The following PRKCB variants were observed in gnomAD, a reference collection of about 807,000 sequenced individuals.
PRKCB encodes the protein protein kinase C beta, also known as protein kinase C beta type.
PRKCB carries 13 observed loss-of-function variants against 81.5 expected under a neutral mutation model. The ratio of observed to expected loss-of-function variants is 0.16; its 90% CI spans 0.10 to 0.25. The LOEUF (loss-of-function observed/expected upper bound fraction) is 0.25, where lower values mean the gene tolerates loss of function less well. PRKCB is among the 10% of genes least tolerant of loss of function. The probability of loss-of-function intolerance (pLI) is 1.00; values close to 1 mark genes in which losing one functional copy is unlikely to be tolerated. For missense variants in PRKCB, 509 were observed against 875.7 expected (o/e 0.58, Z 5.29); for synonymous variants, 335 against 321.4 (o/e 1.04, Z -0.45).
intron 2 of PRKCB, among the ~76,000 whole-genome samples, chr16:23,935,424 CAG>C (rs1964045046): frequency 6.6e-6 from 1 of 152,166 alleles, no homozygotes; most frequent in African/African-American, 2.4e-5. Context: ...TGCCATCCCC[CAG>C]CTGCAGCAAA....
At chr16:24,080,636 G>A (rs1429314004) in intron 5 of PRKCB, among the ~76,000 whole-genome samples, 1 of 152,182 alleles carries the variant, frequency 6.6e-6, no homozygotes, top group African/African-American at 2.4e-5. Flanking sequence ...CAGTAAAGAG[G>A]TGTGGGTGGG....
intron 9 of PRKCB, among the ~76,000 whole-genome samples, chr16:24,148,405 C>T (rs1225766501): frequency 1.3e-5 from 2 of 152,118 alleles, no homozygotes; most frequent in African/African-American, 4.8e-5. Context: ...GGGCAGGAAC[C>T]TTGTCGTTCT....
At chr16:23,851,955 T>C (rs896914965) in intron 2 of PRKCB, among the ~76,000 whole-genome samples, 2 of 152,202 alleles carry the variant, frequency 1.3e-5, no homozygotes, top group African/African-American at 4.8e-5. Context: ...CTACTGATTG[T>C]ATGTTGGTTT....
At chr16:23,974,835 A>G (rs992540019) in intron 2 of PRKCB, among the ~76,000 whole-genome samples, 4 of 152,226 alleles carry the variant, frequency 2.6e-5, no homozygotes, top group South Asian at 2.1e-4. Flanking sequence ...TCTGGGTGGC[A>G]GGAGCGAATG....
At chr16:24,145,443 G>A (rs1966975273) in intron 9 of PRKCB, among the ~76,000 whole-genome samples, 2 of 152,136 alleles carry the variant, frequency 1.3e-5, no homozygotes, top group African/African-American at 4.8e-5. Context: ...AGAATAGAAT[G>A]TTTATGAGAG....
intron 2 of PRKCB, among the ~76,000 whole-genome samples, chr16:23,981,260 C>T (rs1366489990): frequency 1.3e-5 from 2 of 152,056 alleles, no homozygotes; most frequent in Non-Finnish European, 2.9e-5. Flanking sequence ...CTTGCGTTCC[C>T]TTCCAGAAAT....
chr16:24,145,891 G>A (rs1054874277), intron 9 of PRKCB, among the ~76,000 whole-genome samples: 2 of 152,352 alleles, frequency 1.3e-5, no homozygotes, highest in Admixed American at 6.5e-5. Flanking sequence ...CGTAAACAAT[G>A]TATGTTCAAT....
chr16:23,924,652 C>G (rs1434563281), intron 2 of PRKCB, among the ~76,000 whole-genome samples: 1 of 151,982 alleles, frequency 6.6e-6, no homozygotes, highest in Non-Finnish European at 1.5e-5. Flanking sequence ...TCTCTACATC[C>G]TGATCCTAAA....
intron 9 of PRKCB, among the ~76,000 whole-genome samples, chr16:24,131,101 C>T (rs575326387): frequency 3.9e-5 from 6 of 152,090 alleles, no homozygotes; most frequent in South Asian, 2.1e-4. Flanking sequence ...GAAGCTAGCA[C>T]GAGCCAGGAA....
chr16:23,836,346 C>T lies in PRKCB; in HGVS notation c.171C>T (p.Ile57=). ...TCTGCAGCCACTGCACCGACTTCAT[C>T]TGGTGAGCGCGCGCGCGCAGGGCAC... ...PTFCSHCTDF[I]WGFGKQGFQC... The change falls in exon 1 of 17, where the codon ATC becomes ATT. Residue 57 remains isoleucine, a splice_region_variant and synonymous_variant. Transcript: ENST00000643927. 6.2e-7 allele frequency: 1 copy of T among 1,601,284 alleles called. No homozygotes were observed. Among genetic ancestry groups the T allele is most frequent in the Middle Eastern group, 2.1e-4 (1 of 4,754 alleles).
chr16:23,844,169 C>T (rs1028738127), intron 2 of PRKCB, among the ~76,000 whole-genome samples: 13 of 152,210 alleles, frequency 8.5e-5, no homozygotes, highest in African/African-American at 2.4e-4. Context: ...TTGTCTCTGA[C>T]GCCTTCAAAG....
intron 2 of PRKCB, among the ~76,000 whole-genome samples, chr16:23,978,810 G>A (rs1042732436): frequency 2.0e-5 from 3 of 152,202 alleles, no homozygotes; most frequent in African/African-American, 7.2e-5. Flanking sequence ...GTCTCCAGAC[G>A]CATGTGGCAT....
chr16:24,191,430 G>T, intron 16 of PRKCB, 200 bp downstream of exon 16: 7 of 500,686 alleles, frequency 1.4e-5, no homozygotes, highest in Middle Eastern at 5.0e-4. Flanking sequence ...TCTCTATAAA[G>T]ATGGAAACGA....
At chr16:24,016,024 C>T (rs1260139052) in intron 3 of PRKCB, among the ~76,000 whole-genome samples, 1 of 152,118 alleles carries the variant, frequency 6.6e-6, no homozygotes, top group East Asian at 1.9e-4. Context: ...TGCTCTGTGT[C>T]AGGCAGCTGT....
chr16:23,953,263 C>T (rs373410915), intron 2 of PRKCB, among the ~76,000 whole-genome samples: 1 of 152,234 alleles, frequency 6.6e-6, no homozygotes, highest in East Asian at 1.9e-4. Context: ...AGCTGTCTAC[C>T]GGGGTTTTAT....
intron 7 of PRKCB, among the ~76,000 whole-genome samples, chr16:24,096,188 G>T (rs1290476471): frequency 6.6e-6 from 1 of 152,082 alleles, no homozygotes; most frequent in East Asian, 1.9e-4. Flanking sequence ...TTGAACCAGG[G>T]AGGCGGAGGT....
At chr16:24,108,855 A>G (rs59647736) in intron 7 of PRKCB, among the ~76,000 whole-genome samples, 4,969 of 151,452 alleles carry the variant, frequency 0.033, 23 homozygotes, top group African/African-American at 0.11. Flanking sequence ...CCCGTTCTCA[A>G]TGAGCTGTTG....
intron 3 of PRKCB, among the ~76,000 whole-genome samples, chr16:23,993,156 C>A (rs1234938440): frequency 6.6e-6 from 1 of 151,958 alleles, no homozygotes; most frequent in Admixed American, 6.6e-5. Flanking sequence ...GTATGCTATA[C>A]CCCAAAAGAA....
chr16:24,110,826 CTT>C (rs1347985178), intron 7 of PRKCB, among the ~76,000 whole-genome samples: 8 of 152,014 alleles, frequency 5.3e-5, no homozygotes, highest in African/African-American at 1.9e-4. Flanking sequence ...ACCTGTTTAT[CTT>C]TTTGTTTGTT....
Sources: allele counts gnomAD v4.1 joint callset (sites outside exome capture counted in the v4.1 genomes callset), GRCh38; gene constraint gnomAD v4.1.1; transcripts MANE v1.5; gene names NCBI Gene and HGNC (gene_info 2026-07-23, HGNC 2026-07-21).